The following AFF3 variants were observed in gnomAD, a reference collection of about 807,000 sequenced individuals.
The protein encoded by AFF3 is AF4/FMR2 family member 3.
Under a neutral mutation model 129.7 loss-of-function variants are expected in AFF3, and 32 were observed. The observed-to-expected ratio is 0.25, with a 90% CI of 0.19 to 0.33. AFF3 has a LOEUF of 0.33. AFF3 is among the 10% of genes least tolerant of loss of function. The pLI is 1.00. For missense variants in AFF3, 1,373 were observed against 1,592.0 expected (o/e 0.86, Z 2.34); for synonymous variants, 644 against 635.4 (o/e 1.01, Z -0.20).
chr2:99,606,584 G>A (rs1429696165), intron 13 of AFF3, among the ~76,000 whole-genome samples: 2 of 151,998 alleles, frequency 1.3e-5, no homozygotes, highest in Admixed American at 6.5e-5. Context: ...TGAATCTTTC[G>A]AGAAGGTTAT....
At chr2:99,699,071 G>C (rs1461646486) in intron 11 of AFF3, among the ~76,000 whole-genome samples, 1 of 152,198 alleles carries the variant, frequency 6.6e-6, no homozygotes, top group East Asian at 1.9e-4. Context: ...CTGCATACCT[G>C]AGCAACCACA....
At chr2:99,967,523 C>T (rs1677902395) in intron 7 of AFF3, among the ~76,000 whole-genome samples, 1 of 152,198 alleles carries the variant, frequency 6.6e-6, no homozygotes, top group Non-Finnish European at 1.5e-5. Flanking sequence ...CTGACTGTGT[C>T]CATCTCTTCC....
At chr2:99,862,129 G>C (rs1192144117) in intron 7 of AFF3, among the ~76,000 whole-genome samples, 4 of 151,944 alleles carry the variant, frequency 2.6e-5, no homozygotes, top group Non-Finnish European at 5.9e-5. Flanking sequence ...TGTGATCCTG[G>C]GTAGCTAATG....
intron 8 of AFF3, among the ~76,000 whole-genome samples, chr2:99,810,281 T>A (rs1686686276): frequency 6.6e-6 from 1 of 152,310 alleles, no homozygotes; most frequent in Admixed American, 6.5e-5. Context: ...CAGCTCAGCA[T>A]CCTCCCGGTT....
intron 4 of AFF3, among the ~76,000 whole-genome samples, chr2:100,040,793 G>A (rs1213425572): frequency 6.6e-6 from 1 of 152,208 alleles, no homozygotes; most frequent in Non-Finnish European, 1.5e-5. Context: ...TTTTAGACTG[G>A]CTGGAAAGTC....
intron 13 of AFF3, among the ~76,000 whole-genome samples, chr2:99,639,073 C>T (rs1168827820): frequency 6.6e-6 from 1 of 152,140 alleles, no homozygotes; most frequent in African/African-American, 2.4e-5. Flanking sequence ...CTCAGGAATC[C>T]CTGGCCACTA....
At chr2:99,879,542 A>G (rs1692543235) in intron 7 of AFF3, among the ~76,000 whole-genome samples, 1 of 152,232 alleles carries the variant, frequency 6.6e-6, no homozygotes, top group Non-Finnish European at 1.5e-5. Flanking sequence ...CCTCGTGGGT[A>G]GGAGAATGAA....
At chr2:99,641,806 G>C (rs1039161588) in intron 13 of AFF3, among the ~76,000 whole-genome samples, 2 of 152,164 alleles carry the variant, frequency 1.3e-5, no homozygotes, top group Admixed American at 1.3e-4. Context: ...AATGAAGTAA[G>C]GTATGTGAGA....
At chr2:99,674,636 T>C (rs1350088345) in intron 11 of AFF3, among the ~76,000 whole-genome samples, 1 of 151,766 alleles carries the variant, frequency 6.6e-6, no homozygotes, top group Admixed American at 6.6e-5. Context: ...GTGGAAAGAG[T>C]GGGGAGGACT....
intron 8 of AFF3, among the ~76,000 whole-genome samples, chr2:99,812,821 A>G (rs1186728656): frequency 1.3e-5 from 2 of 152,028 alleles, no homozygotes; most frequent in African/African-American, 2.4e-5. Context: ...TCTTTTTGCC[A>G]TGGAGCATGT....
At chr2:99,811,110 G>C (rs1380552631) in intron 8 of AFF3, among the ~76,000 whole-genome samples, 1 of 152,164 alleles carries the variant, frequency 6.6e-6, no homozygotes, top group Non-Finnish European at 1.5e-5. Flanking sequence ...TGGGAGGGAC[G>C]TGCTTTTCTG....
At chr2:99,739,899 T>C (rs897948800) in intron 10 of AFF3, among the ~76,000 whole-genome samples, 4 of 151,840 alleles carry the variant, frequency 2.6e-5, no homozygotes, top group African/African-American at 9.7e-5. Context: ...GCCATGCTGG[T>C]GTGCTGCACC....
chr2:99,961,228 G>C (rs1677181776), intron 7 of AFF3, among the ~76,000 whole-genome samples: 2 of 152,146 alleles, frequency 1.3e-5, no homozygotes. Flanking sequence ...TGGGAAAGGT[G>C]TCTTGTTTTA....
chr2:99,687,344 C>T (rs1300357600), intron 11 of AFF3, among the ~76,000 whole-genome samples: 1 of 152,164 alleles, frequency 6.6e-6, no homozygotes. Context: ...GGAAACACTA[C>T]CAGGACACCA....
At chr2:100,039,928 C>G (rs931201894) in intron 4 of AFF3, among the ~76,000 whole-genome samples, 1 of 152,166 alleles carries the variant, frequency 6.6e-6, no homozygotes. Flanking sequence ...CAGCACAGAG[C>G]TCAATGACTA....
chr2:99,606,683 C>G (rs975515884), intron 13 of AFF3, among the ~76,000 whole-genome samples: 3 of 151,256 alleles, frequency 2.0e-5, no homozygotes, highest in Non-Finnish European at 3.0e-5. Context: ...TTTGGGAAGC[C>G]GAGGCGGGAG....
At chr2:99,624,262 T>C (rs1409526196) in intron 13 of AFF3, among the ~76,000 whole-genome samples, 1 of 151,994 alleles carries the variant, frequency 6.6e-6, no homozygotes, top group East Asian at 1.9e-4. Context: ...TCCCAGACTA[T>C]CTCCAGGTAA....
At chr2:99,935,276 T>C (rs1348060493) in intron 7 of AFF3, among the ~76,000 whole-genome samples, 1 of 152,218 alleles carries the variant, frequency 6.6e-6, no homozygotes, top group Non-Finnish European at 1.5e-5. Flanking sequence ...CTATTTGTTA[T>C]GGCTGACCTT....
chr2:99,937,957 G>A (rs1194282974), intron 7 of AFF3, among the ~76,000 whole-genome samples: 1 of 152,114 alleles, frequency 6.6e-6, no homozygotes, highest in Non-Finnish European at 1.5e-5. Flanking sequence ...TTTAATACTG[G>A]TAAATTTTCA....
Sources: allele counts gnomAD v4.1 joint callset (sites outside exome capture counted in the v4.1 genomes callset), GRCh38; gene constraint gnomAD v4.1.1; transcripts MANE v1.5; gene names NCBI Gene and HGNC (gene_info 2026-07-23, HGNC 2026-07-21).